The following LDLRAD4 variants were observed in gnomAD, a reference collection of about 807,000 sequenced individuals.
LDLRAD4 encodes the protein low-density lipoprotein receptor class A domain-containing protein 4.
LDLRAD4 carries 5 observed loss-of-function variants against 17.0 expected under a neutral mutation model. That is an observed-to-expected ratio of 0.29 (90% CI 0.15 to 0.62). The LOEUF (loss-of-function observed/expected upper bound fraction) is 0.62. LDLRAD4 is among the 20% of genes least tolerant of loss of function. The pLI is 0.84. For synonymous variants in LDLRAD4, 168 were observed against 171.8 expected (o/e 0.98, Z 0.17); for missense variants, 340 against 424.7 (o/e 0.80, Z 1.75).
chr18:13,237,442 T>C (rs1234359633), intron 1 of LDLRAD4, among the ~76,000 whole-genome samples: 2 of 152,206 alleles, frequency 1.3e-5, no homozygotes, highest in African/African-American at 2.4e-5. Context: ...CTGTGGTTCA[T>C]GGGCTTGTGG....
intron 4 of LDLRAD4, among the ~76,000 whole-genome samples, chr18:13,630,352 C>T (rs931462484): frequency 6.6e-6 from 1 of 151,956 alleles, no homozygotes; most frequent in African/African-American, 2.4e-5. Flanking sequence ...CTGTGACTGC[C>T]ATCTAGAGTG....
At chr18:13,508,903 G>A (rs2093735865) in intron 3 of LDLRAD4, among the ~76,000 whole-genome samples, 1 of 152,166 alleles carries the variant, frequency 6.6e-6, no homozygotes, top group Non-Finnish European at 1.5e-5. Flanking sequence ...GCTATAAATA[G>A]TGATCCTTCT....
At chr18:13,376,306 A>G (rs2084907231) in intron 1 of LDLRAD4, among the ~76,000 whole-genome samples, 1 of 152,224 alleles carries the variant, frequency 6.6e-6, no homozygotes, top group African/African-American at 2.4e-5. Context: ...AAAAATCTAA[A>G]GAAGACATGA....
intron 2 of LDLRAD4, among the ~76,000 whole-genome samples, chr18:13,390,238 G>A (rs2086162153): frequency 6.6e-6 from 1 of 152,242 alleles, no homozygotes; most frequent in Non-Finnish European, 1.5e-5. Flanking sequence ...GAGGAACAAG[G>A]TGTGCCAGCG....
chr18:13,543,794 C>T (rs2094320021), intron 3 of LDLRAD4, among the ~76,000 whole-genome samples: 1 of 152,172 alleles, frequency 6.6e-6, no homozygotes, highest in Non-Finnish European at 1.5e-5. Flanking sequence ...TTGGGAAAGT[C>T]AGTGAAACTT....
chr18:13,351,847 C>G (rs756386699), intron 1 of LDLRAD4, among the ~76,000 whole-genome samples: 3 of 152,130 alleles, frequency 2.0e-5, no homozygotes, highest in African/African-American at 7.2e-5. Context: ...TGATGAACAT[C>G]AATGCAAACA....
At chr18:13,235,028 T>G (rs2042266280) in intron 1 of LDLRAD4, 1 of 152,222 alleles carries the variant, frequency 6.6e-6, no homozygotes, top group Non-Finnish European at 1.5e-5. Flanking sequence ...GGTGAGTGGA[T>G]CACCTGAGGT....
At chr18:13,571,930 C>T (rs951279164) in intron 3 of LDLRAD4, among the ~76,000 whole-genome samples, 9 of 152,206 alleles carry the variant, frequency 5.9e-5, no homozygotes, top group Middle Eastern at 3.2e-3. Context: ...GCTACCGCAC[C>T]GGGCCTATAA....
intron 1 of LDLRAD4, among the ~76,000 whole-genome samples, chr18:13,336,128 C>T (rs549973747): frequency 1.3e-5 from 2 of 152,202 alleles, no homozygotes; most frequent in East Asian, 1.9e-4. Context: ...TTTTAACAGC[C>T]GGCTCCCAGG....
At chr18:13,222,728 C>T (rs2041531221) in intron 1 of LDLRAD4, among the ~76,000 whole-genome samples, 1 of 152,190 alleles carries the variant, frequency 6.6e-6, no homozygotes, top group South Asian at 2.1e-4. Flanking sequence ...CAAGGAGCAA[C>T]TCTGTGTCCT....
chr18:13,515,605 T>G, intron 3 of LDLRAD4: 1 of 152,252 alleles, frequency 6.6e-6, no homozygotes, highest in South Asian at 2.1e-4. Flanking sequence ...CTCAGTAGAC[T>G]TACAAATTCA....
At chr18:13,230,568 A>G (rs2042019706) in intron 1 of LDLRAD4, among the ~76,000 whole-genome samples, 1 of 145,534 alleles carries the variant, frequency 6.9e-6, no homozygotes, top group Non-Finnish European at 1.5e-5. Context: ...TGCTTGTAGG[A>G]GTATATGCTT....
At chr18:13,492,846 CG>C (rs1362770678) in intron 3 of LDLRAD4, among the ~76,000 whole-genome samples, 2 of 152,146 alleles carry the variant, frequency 1.3e-5, no homozygotes, top group East Asian at 3.8e-4. Context: ...TAGAGGAGAA[CG>C]GGCTGGGTGC....
chr18:13,310,738 G>T (rs983085878), intron 1 of LDLRAD4, among the ~76,000 whole-genome samples: 1 of 152,154 alleles, frequency 6.6e-6, no homozygotes, highest in African/African-American at 2.4e-5. Flanking sequence ...GCATCAGTTT[G>T]GTTGTGTGCT....
In LDLRAD4 at chr18:13,621,237, A is replaced by G; in HGVS notation, c.302A>G (p.Asn101Ser). The change falls in exon 4 of 6, where the codon AAC becomes AGC. Residue 101 changes from asparagine (N) to serine (S), a missense_variant. Physicochemically the swap from Asn to Ser is conservative, Grantham distance 46. Transcript: ENST00000359446. This position sits in a 1 kb window ranked among gnomAD's most constrained non-coding sequence, Gnocchi z 5.5. ...ACGCGGTCCTTCATCAACCGCCCGA[A>G]CCAGAGCCGGAGGCGGGAGGACGGG... 1.2e-6 allele frequency: 2 copies of G among 1,613,708 alleles called. No homozygotes were observed. Among genetic ancestry groups the G allele is most frequent in the Non-Finnish European group, 1.7e-6 (2 of 1,179,980 alleles).
intron 1 of LDLRAD4, among the ~76,000 whole-genome samples, chr18:13,344,482 G>A (rs1368773679): frequency 6.6e-6 from 1 of 151,120 alleles, no homozygotes; most frequent in Non-Finnish European, 1.5e-5. Flanking sequence ...TTTGGTTACT[G>A]TAGCTTTGTA....
Position 13,438,410 on chromosome 18 carries a change from G to A in LDLRAD4, c.181+26G>A, listed in dbSNP as rs183074583. On this transcript the variant is annotated intron_variant, in intron 3 of 5. Coordinates refer to ENST00000359446, the Ensembl canonical transcript of LDLRAD4. ...GTAAGTCTCTCCTCCCACCTGGGTG[G>A]CACTGTCTGATGTGGTTCTGAAACG... 6.8e-6 allele frequency: 11 copies of A among 1,608,828 alleles called. No homozygotes were observed. The Admixed American group carries it at 1.5e-4, about 22-fold the overall frequency.
At chr18:13,620,701 C>A (rs894730347) in intron 3 of LDLRAD4, among the ~76,000 whole-genome samples, 3 of 152,224 alleles carry the variant, frequency 2.0e-5, no homozygotes, top group African/African-American at 7.2e-5. Context: ...TTTCCTAACT[C>A]ACCTGCAGAG....
chr18:13,274,480 G>A (rs2044742186), upstream of LDLRAD4, among the ~76,000 whole-genome samples: 1 of 152,244 alleles, frequency 6.6e-6, no homozygotes. Flanking sequence ...TCTGCCTCGT[G>A]TCATGGAACT....
Sources: gnomAD v4.1 joint callset for allele counts (sites outside exome capture counted in the v4.1 genomes callset) on GRCh38, gnomAD v4.1.1 for gene constraint, Gnocchi (gnomAD v3.1) non-coding constraint, MANE v1.5 for transcripts, NCBI Gene and HGNC (gene_info 2026-07-23, HGNC 2026-07-21) for gene names.